Variants in SHROOM3 observed in about 807,000 individuals in gnomAD.
SHROOM3 encodes shroom family member 3.
In SHROOM3, 47 loss-of-function variants were observed where a neutral mutation model predicts 138.6. The ratio of observed to expected loss-of-function variants is 0.34; its 90% CI spans 0.27 to 0.43. The LOEUF (loss-of-function observed/expected upper bound fraction) is 0.43, where lower values mean the gene tolerates loss of function less well. Ranked by LOEUF, SHROOM3 falls within the 20% of genes least tolerant of loss-of-function variation. The pLI is 1.00. For missense variants in SHROOM3, 2,491 were observed against 2,596.5 expected, an observed-to-expected ratio of 0.96 and a Z score of 0.88; for synonymous variants, 1,062 against 1,063.3, an observed-to-expected ratio of 1.00 and a Z score of 0.02.
At chr4:76,582,344 T>C (rs1165309862) in intron 2 of SHROOM3, among the ~76,000 whole-genome samples, 2 of 151,848 alleles carry the variant, frequency 1.3e-5, no homozygotes, top group African/African-American at 4.8e-5. Context: ...ACCTAGAGAA[T>C]AGTTTAACTG....
chr4:76,754,921 A>G lies in SHROOM3; in HGVS notation c.4438A>G (p.Ser1480Gly), dbSNP rs1231926923. ...CCCAGACACACCTCTTGGGGCCCCG[A>G]GCACTCCAGGGAGGATCTCCCTCCG... ...SDPDTPLGAP[S>G]TPGRISLRIS... The change falls in exon 7 of 11, where the codon AGC becomes GGC. Residue 1480 changes from serine (S) to glycine (G), a missense_variant. Ser to Gly is a moderately conservative substitution (Grantham distance 56, BLOSUM62 0). Transcript: ENST00000296043. 2 of 1,614,144 alleles carry G rather than the reference A, an allele frequency of 1.2e-6. No individual in the cohort carries two copies. The highest frequency in any genetic ancestry group is 1.7e-5 in the Admixed American group (1 of 60,032).
intron 1 of SHROOM3, among the ~76,000 whole-genome samples, chr4:76,504,410 C>T (rs374270957): frequency 4.6e-5 from 7 of 152,192 alleles, no homozygotes; most frequent in South Asian, 2.1e-4. Flanking sequence ...CCACCTGCCT[C>T]GGCCTCCCAA....
chr4:76,606,009 T>TATA lies in SHROOM3; in HGVS notation c.323+50246_323+50247insATA, dbSNP rs1734612079. The stretch of plus-strand genomic sequence containing the variant: ...CACACACATATATATATATATATAT[T>TATA]TTTTTTTTTTTTTTTTTTTTTCTGA... On this transcript the variant is annotated intron_variant, in intron 2 of 10. Coordinates refer to ENST00000296043, the MANE Select transcript of SHROOM3 (RefSeq NM_020859.4). 2.3e-3 allele frequency among the ~76,000 whole-genome samples: 186 copies of TATA among 79,202 alleles called. 1 individual carries two copies. The highest frequency in any genetic ancestry group is 7.9e-3 in the African/African-American group (130 of 16,472). 52.0% of individuals were successfully genotyped at this position (79,202 alleles called of 152,430 possible).
rs775851214 is a variant in SHROOM3, at chr4:76,778,803, T to C, written c.5623-6T>C. The C allele has an allele frequency of 2.5e-6, 4 of 1,612,226 alleles. No homozygotes were observed. Among genetic ancestry groups the C allele is most frequent in the African/African-American group, 2.7e-5 (2 of 74,978 alleles). Reference sequence around the variant, plus strand: ...CTTCATTGATCTGTCCAATTTTCCCTGGCAGAGCTCTCTTTACGAGAAAAG... The same window carrying C: ...CTTCATTGATCTGTCCAATTTTCCCCGGCAGAGCTCTCTTTACGAGAAAAG... On this transcript the variant is annotated splice_polypyrimidine_tract_variant and splice_region_variant and intron_variant, in intron 10 of 10. Coordinates refer to ENST00000296043, the MANE Select transcript of SHROOM3 (RefSeq NM_020859.4).
intron 2 of SHROOM3, among the ~76,000 whole-genome samples, chr4:76,694,851 C>CA (rs1719675052): frequency 6.6e-6 from 1 of 152,188 alleles, no homozygotes; most frequent in South Asian, 2.1e-4. Flanking sequence ...ATCTTCCTCA[C>CA]ACTCCTATGA....
intron 1 of SHROOM3, among the ~76,000 whole-genome samples, chr4:76,490,205 A>G (rs1000584378): frequency 6.6e-6 from 1 of 152,202 alleles, no homozygotes; most frequent in Non-Finnish European, 1.5e-5. Flanking sequence ...GTGAAGTTAC[A>G]AAGTTATACT....
chr4:76,568,547 C>A (rs1733774243), intron 2 of SHROOM3, among the ~76,000 whole-genome samples: 1 of 152,164 alleles, frequency 6.6e-6, no homozygotes, highest in South Asian at 2.1e-4. Flanking sequence ...TTGTTTTCCC[C>A]TCTGTGAAAT....
intron 2 of SHROOM3, among the ~76,000 whole-genome samples, chr4:76,626,340 A>G (rs1041897699): frequency 2.0e-5 from 3 of 152,178 alleles, no homozygotes; most frequent in Admixed American, 6.5e-5. Context: ...AATTGTGGGT[A>G]TTTAAATAAG....
intron 1 of SHROOM3, among the ~76,000 whole-genome samples, chr4:76,536,768 T>C (rs1732962525): frequency 6.6e-6 from 1 of 152,204 alleles, no homozygotes; most frequent in Non-Finnish European, 1.5e-5. Flanking sequence ...CCAGCAATTT[T>C]CTCTGATTTT....
chr4:76,708,227 C>A (rs1720121549), intron 2 of SHROOM3, among the ~76,000 whole-genome samples: 1 of 151,990 alleles, frequency 6.6e-6, no homozygotes, highest in Non-Finnish European at 1.5e-5. Flanking sequence ...TTTTATGTTC[C>A]TCATGCTTCC....
At chr4:76,526,911 T>C (rs957667533) in intron 1 of SHROOM3, among the ~76,000 whole-genome samples, 9 of 152,178 alleles carry the variant, frequency 5.9e-5, no homozygotes, top group African/African-American at 1.9e-4. Context: ...TCAGTGGAAT[T>C]TGTGGAATGG....
At chr4:76,580,331 C>T (rs1179837144) in intron 2 of SHROOM3, among the ~76,000 whole-genome samples, 2 of 152,140 alleles carry the variant, frequency 1.3e-5, no homozygotes, top group Admixed American at 1.3e-4. Flanking sequence ...TGTCCCATTC[C>T]GAAGTTGCCG....
At position 76,730,842 on chromosome 4, in the gene SHROOM3, CA is replaced by C; in HGVS notation, c.496del (p.Thr166LeufsTer12). On this transcript the variant is annotated frameshift_variant, in exon 4 of 11. Transcript: ENST00000296043. LOFTEE classifies it high-confidence loss of function. ...EPAGRPHSWH[T>X]TKSGEKQPDA... ...GCAGGCCGACCTCACTCGTGGCACA[CA>C]ACTAAATCTGGGGAGAAGCAACCCG... 1 of 1,614,104 alleles carries C rather than the reference CA, an allele frequency of 6.2e-7. No homozygotes were observed. The highest frequency in any genetic ancestry group is 8.5e-7 in the Non-Finnish European group (1 of 1,180,006).
chr4:76,474,136 T>TAC (rs1731434746), intron 1 of SHROOM3, among the ~76,000 whole-genome samples: 1 of 152,234 alleles, frequency 6.6e-6, no homozygotes, highest in African/African-American at 2.4e-5. Context: ...TGATTCATGC[T>TAC]ACAGCACAGA....
In SHROOM3 at chr4:76,604,051, T is replaced by A. The variant is rs182038894; in HGVS notation, c.323+48288T>A. ...TATGTTGGCCAGGCTGGTCTCAAAC[T>A]CCTGACCTCATGATCCGCCCACCTC... On this transcript the variant is annotated intron_variant, in intron 2 of 10. Coordinates refer to ENST00000296043, the MANE Select transcript of SHROOM3 (RefSeq NM_020859.4). 1.1e-3 allele frequency among the ~76,000 whole-genome samples: 174 copies of A among 151,948 alleles called. 1 individual carries two copies. The highest frequency in any genetic ancestry group is 3.7e-4 in the Non-Finnish European group (25 of 67,962).
chr4:76,437,664 G>T (rs1421817899), intron 1 of SHROOM3, among the ~76,000 whole-genome samples: 1 of 152,126 alleles, frequency 6.6e-6, no homozygotes, highest in Non-Finnish European at 1.5e-5. Context: ...GACTGATTAG[G>T]ATTTCTTTCA....
At position 76,659,947 on chromosome 4, in the gene SHROOM3, C is replaced by T. The variant is rs116788220; in HGVS notation, c.324-50209C>T. Reference sequence around the variant, plus strand: ...TTTGACTGAAGCAACCCATCTAAAACATGCATATGCTGAATAAACCAAGAA... The same window carrying T: ...TTTGACTGAAGCAACCCATCTAAAATATGCATATGCTGAATAAACCAAGAA... On this transcript the variant is annotated intron_variant, in intron 2 of 10. Coordinates refer to ENST00000296043, the MANE Select transcript of SHROOM3 (RefSeq NM_020859.4). 8.3e-3 allele frequency among the ~76,000 whole-genome samples: 1,259 copies of T among 152,302 alleles called. 22 individuals carry two copies. The highest frequency in any genetic ancestry group is 0.028 in the African/African-American group (1,184 of 41,570).
At position 76,756,579 on chromosome 4, in the gene SHROOM3, C is replaced by T. The variant is rs767610023; in HGVS notation, c.4840C>T (p.Pro1614Ser). The change falls in exon 8 of 11, where the codon CCA (proline) becomes TCA (serine). Residue 1614 changes from proline to serine, a missense_variant. Pro to Ser is a moderately conservative substitution (Grantham distance 74, BLOSUM62 -1). Coordinates refer to ENST00000296043, the MANE Select transcript of SHROOM3 (RefSeq NM_020859.4). ...SIKGSEAEST[P>S]PSFMSVHAQL... ...CAAGGGTTCAGAGGCTGAGTCCACA[C>T]CACCCTCCTTCATGAGCGTTCACGC... 1.3e-5 allele frequency: 21 copies of T among 1,613,706 alleles called. No homozygotes were observed. In the South Asian group the frequency reaches 2.2e-4, roughly 17 times the overall value.
intron 1 of SHROOM3, among the ~76,000 whole-genome samples, chr4:76,536,839 G>A (rs751602285): frequency 1.1e-4 from 17 of 152,210 alleles, no homozygotes; most frequent in South Asian, 2.1e-4. Flanking sequence ...AAGGCTGGGC[G>A]TGATGGCTCA....
Sources: gnomAD v4.1 joint callset for allele counts (sites outside exome capture counted in the v4.1 genomes callset) on GRCh38, gnomAD v4.1.1 for gene constraint, MANE v1.5 for transcripts, NCBI Gene and HGNC (gene_info 2026-07-23, HGNC 2026-07-21) for gene names.